The following IGSF11 variants were observed in gnomAD, a reference collection of about 807,000 sequenced individuals.
IGSF11 encodes CXADR like 1.
A neutral mutation model predicts 41.0 loss-of-function variants in IGSF11; 22 were observed. That is an observed-to-expected ratio of 0.54 (90% CI 0.38 to 0.77). The LOEUF (loss-of-function observed/expected upper bound fraction) is 0.77. IGSF11 is among the 30% of genes least tolerant of loss of function. IGSF11 has a pLI of 0.00. For missense variants in IGSF11, 444 were observed against 530.8 expected (o/e 0.84, Z 1.61); for synonymous variants, 219 against 201.3 (o/e 1.09, Z -0.74).
intron 1 of IGSF11, among the ~76,000 whole-genome samples, chr3:119,045,724 C>A (rs893667147): frequency 1.3e-5 from 2 of 152,028 alleles, no homozygotes; most frequent in Non-Finnish European, 2.9e-5. Context: ...GCAGTAACCT[C>A]TGCACACTTA....
At chr3:119,039,345 C>T (rs920005087), upstream of IGSF11, among the ~76,000 whole-genome samples, 1 of 152,154 alleles carries the variant, frequency 6.6e-6, no homozygotes, top group African/African-American at 2.4e-5. Context: ...CACCTACTTT[C>T]CTTGGCTCAT....
At chr3:119,097,956 A>ACTTTTTTTTTTTTTTTTTT (rs2076880575) in intron 1 of IGSF11, among the ~76,000 whole-genome samples, 1 of 69,744 alleles carries the variant, frequency 1.4e-5, no homozygotes, top group Non-Finnish European at 3.2e-5. Context: ...ACATTCAGCT[A>ACTTTTTTTTTTTTTTTTTT]ATTTTTTTTT....
intron 1 of IGSF11, among the ~76,000 whole-genome samples, chr3:118,986,821 C>G (rs1935301402): frequency 6.6e-6 from 1 of 152,154 alleles, no homozygotes; most frequent in African/African-American, 2.4e-5. Context: ...AAAGGCAATA[C>G]AAAGAATAAA....
chr3:118,912,539 C>T (rs573722197), intron 4 of IGSF11, among the ~76,000 whole-genome samples: 13 of 152,304 alleles, frequency 8.5e-5, no homozygotes, highest in African/African-American at 3.1e-4. Context: ...TCATCCCTTT[C>T]CTGTTTTGCT....
At chr3:119,142,305 A>T (rs2107550859) in intron 1 of IGSF11, among the ~76,000 whole-genome samples, 1 of 149,498 alleles carries the variant, frequency 6.7e-6, no homozygotes, top group African/African-American at 2.4e-5. Context: ...AAGTGTCTGC[A>T]TGTATTGGAC....
chr3:119,086,914 T>C (rs1306540815), intron 1 of IGSF11, among the ~76,000 whole-genome samples: 1 of 152,070 alleles, frequency 6.6e-6, no homozygotes, highest in Non-Finnish European at 1.5e-5. Flanking sequence ...ATACTAACCT[T>C]GAACATAAAT....
intron 1 of IGSF11, among the ~76,000 whole-genome samples, chr3:119,124,152 G>A (rs1179965998): frequency 6.6e-6 from 1 of 151,476 alleles, no homozygotes; most frequent in African/African-American, 2.4e-5. Context: ...CAGAGATAGA[G>A]AAGGAATTCA....
intron 1 of IGSF11, among the ~76,000 whole-genome samples, chr3:119,061,905 T>C (rs1942064587): frequency 6.6e-6 from 1 of 152,176 alleles, no homozygotes; most frequent in Admixed American, 6.5e-5. Context: ...CCAAATAAGG[T>C]AAATGCGAAA....
At chr3:119,025,839 CATT>C (rs1293827273) in intron 1 of IGSF11, among the ~76,000 whole-genome samples, 1 of 152,060 alleles carries the variant, frequency 6.6e-6, no homozygotes, top group African/African-American at 2.4e-5. Flanking sequence ...ATCACTAAAA[CATT>C]ATGAATATCA....
chr3:119,112,462 G>C (rs2107521625), intron 1 of IGSF11, among the ~76,000 whole-genome samples: 1 of 152,288 alleles, frequency 6.6e-6, no homozygotes, highest in South Asian at 2.1e-4. Flanking sequence ...GCAGTATTTG[G>C]GTGGGAGTGA....
intron 1 of IGSF11, among the ~76,000 whole-genome samples, chr3:118,969,029 C>T (rs1174933067): frequency 6.6e-6 from 1 of 152,070 alleles, no homozygotes; most frequent in Non-Finnish European, 1.5e-5. Flanking sequence ...TCAGTATCTG[C>T]TCTATGCCCA....
intron 1 of IGSF11, among the ~76,000 whole-genome samples, chr3:118,988,932 T>G (rs1001473871): frequency 6.6e-6 from 1 of 152,196 alleles, no homozygotes. Flanking sequence ...CTTTCTCCAG[T>G]AGACTTTCAC....
chr3:119,127,065 G>T (rs192254541), intron 1 of IGSF11, among the ~76,000 whole-genome samples: 2 of 152,152 alleles, frequency 1.3e-5, no homozygotes, highest in East Asian at 1.9e-4. Flanking sequence ...TGGAAGATGG[G>T]TACTAAAAAA....
At chr3:118,967,699 G>C (rs770678074) in intron 1 of IGSF11, among the ~76,000 whole-genome samples, 26 of 152,134 alleles carry the variant, frequency 1.7e-4, no homozygotes, top group African/African-American at 6.0e-4. Context: ...TCCATTTTTC[G>C]CATAGTACCC....
At chr3:119,133,214 A>C (rs1234691019) in intron 1 of IGSF11, among the ~76,000 whole-genome samples, 1 of 152,232 alleles carries the variant, frequency 6.6e-6, no homozygotes, top group Non-Finnish European at 1.5e-5. Flanking sequence ...AATTACTAAG[A>C]TCAGAGCAGA....
At chr3:118,906,722 A>C (rs553110513) in intron 4 of IGSF11, among the ~76,000 whole-genome samples, 1 of 152,232 alleles carries the variant, frequency 6.6e-6, no homozygotes, top group African/African-American at 2.4e-5. Context: ...TAGTTTGATT[A>C]TTTATTCCTA....
chr3:118,932,475 T>C (rs1942940034), intron 1 of IGSF11, among the ~76,000 whole-genome samples: 1 of 152,242 alleles, frequency 6.6e-6, no homozygotes, highest in Admixed American at 6.5e-5. Context: ...ATTTGCAGAA[T>C]AAAATGTTTC....
intron 4 of IGSF11, among the ~76,000 whole-genome samples, chr3:118,914,305 C>T (rs1440046274): frequency 8.5e-5 from 13 of 152,048 alleles, no homozygotes; most frequent in African/African-American, 2.7e-4. Flanking sequence ...GCGTGAGCGA[C>T]GCAGAAGACG....
chr3:119,097,806 T>G (rs1013936655), intron 1 of IGSF11, among the ~76,000 whole-genome samples: 2 of 152,042 alleles, frequency 1.3e-5, no homozygotes, highest in Middle Eastern at 3.2e-3. Context: ...ATTGGTTTTT[T>G]TTGAGACAAG....
Sources: allele counts gnomAD v4.1 joint callset (sites outside exome capture counted in the v4.1 genomes callset), GRCh38; gene constraint gnomAD v4.1.1; transcripts MANE v1.5; gene names NCBI Gene and HGNC (gene_info 2026-07-23, HGNC 2026-07-21).